CRYBG1: variants seen among roughly 807,000 people sequenced by gnomAD.
CRYBG1 encodes the protein beta/gamma crystallin domain-containing protein 1.
A neutral mutation model predicts 189.2 loss-of-function variants in CRYBG1; 139 were observed. That is an observed-to-expected ratio of 0.73 (90% CI 0.64 to 0.85). The LOEUF (loss-of-function observed/expected upper bound fraction) is 0.85, where lower values mean the gene tolerates loss of function less well. Among genes scored for constraint, CRYBG1 ranks in the 40% least tolerant of loss-of-function variants. CRYBG1 has a pLI of 0.00. For synonymous variants in CRYBG1, 1,023 were observed against 1,017.1 expected, an observed-to-expected ratio of 1.01 and a Z score of -0.11; for missense variants, 2,611 against 2,675.8, an observed-to-expected ratio of 0.98 and a Z score of 0.53.
rs528634223 is a variant in CRYBG1 at position 106,569,890 on chromosome 6, C to A, written c.*1324C>A. 6.6e-6 allele frequency: 1 copy of A among 152,176 alleles called. No individual in the cohort carries two copies. The highest frequency in any genetic ancestry group is 2.1e-4 in the South Asian group (1 of 4,812). The allele number at this position is 152,176 out of a possible 1,614,324, so 9.4% of individuals were successfully genotyped here. The stretch of plus-strand genomic sequence containing the variant: ...AGAGGATGACCAGCAATTAATTATC[C>A]CCAGAAAGTGAAGGAAAAGAGACCT... On this transcript the variant is annotated 3_prime_UTR_variant, in exon 22 of 22. Transcript: ENST00000633556.
intron 1 of CRYBG1, among the ~76,000 whole-genome samples, chr6:106,393,442 G>A (rs1040067700): frequency 2.6e-5 from 4 of 152,266 alleles, no homozygotes; most frequent in East Asian, 1.9e-4. Flanking sequence ...TCCTACAGCC[G>A]GCTTCCCAGA....
At chr6:106,547,781 CAG>C (rs1774300059) in intron 13 of CRYBG1, among the ~76,000 whole-genome samples, 1 of 152,132 alleles carries the variant, frequency 6.6e-6, no homozygotes, top group Admixed American at 6.6e-5. Context: ...AGTCCTGAAA[CAG>C]AGAACAGCCT....
intron 3 of CRYBG1, among the ~76,000 whole-genome samples, chr6:106,518,711 A>C (rs1773497467): frequency 6.6e-6 from 1 of 152,166 alleles, no homozygotes; most frequent in Admixed American, 6.5e-5. Context: ...TAATCCCAGC[A>C]CTTGGGGAGG....
intron 1 of CRYBG1, among the ~76,000 whole-genome samples, chr6:106,428,118 CATT>C (rs1771261550): frequency 6.6e-6 from 1 of 152,208 alleles, no homozygotes; most frequent in Non-Finnish European, 1.5e-5. Context: ...CAATACCTGA[CATT>C]ATAATTAATA....
intron 21 of CRYBG1, among the ~76,000 whole-genome samples, chr6:106,565,650 T>C (rs920257085): frequency 6.6e-6 from 1 of 152,150 alleles, no homozygotes; most frequent in Admixed American, 6.5e-5. Context: ...AAAGATCATA[T>C]AAAATGCAAG....
At chr6:106,502,667 T>TG (rs1322552074) in intron 2 of CRYBG1, among the ~76,000 whole-genome samples, 1 of 152,202 alleles carries the variant, frequency 6.6e-6, no homozygotes, top group Non-Finnish European at 1.5e-5. Context: ...AGAAACCTTC[T>TG]GGGGTACTTG....
intron 1 of CRYBG1, among the ~76,000 whole-genome samples, chr6:106,400,278 C>T (rs1017023291): frequency 1.1e-4 from 17 of 152,172 alleles, no homozygotes; most frequent in African/African-American, 4.1e-4. Context: ...CCATGCCCCA[C>T]CCAGATCTGC....
chr6:106,561,435 G>A lies in CRYBG1; in HGVS notation c.6073G>A (p.Val2025Ile). The A allele has an allele frequency of 1.2e-6, 2 of 1,614,194 alleles. No individual in the cohort carries two copies. Among genetic ancestry groups the A allele is most frequent in the East Asian group, 2.2e-5 (1 of 44,884 alleles). ...GGATCTGAAGCTTCTGAGGATACAG[G>A]TCATGGAGGATGTCGGGGCCGATGA... ...LEDLKLLRIQ[V>I]MEDVGADDQI... Residue 2025 changes from valine to isoleucine, a missense_variant, in exon 20 of 22, where the codon GTC (valine) becomes ATC (isoleucine). Transcript: ENST00000633556.
intron 2 of CRYBG1, among the ~76,000 whole-genome samples, chr6:106,505,235 C>T (rs1420347964): frequency 1.3e-5 from 2 of 152,126 alleles, no homozygotes; most frequent in Non-Finnish European, 2.9e-5. Context: ...GCTGGGACTA[C>T]AGGCACGTGC....
intron 1 of CRYBG1, among the ~76,000 whole-genome samples, chr6:106,441,583 T>TG: frequency 6.6e-6 from 1 of 152,342 alleles, no homozygotes; most frequent in Non-Finnish European, 1.5e-5. Flanking sequence ...ACCAGTTAAT[T>TG]GAACTAATTC....
At chr6:106,404,126 T>G (rs1389004579) in intron 1 of CRYBG1, among the ~76,000 whole-genome samples, 1 of 152,220 alleles carries the variant, frequency 6.6e-6, no homozygotes, top group Non-Finnish European at 1.5e-5. Context: ...CAGCAAGCTA[T>G]GGAGCACACT....
At chr6:106,367,211 G>A (rs1772017843) in intron 1 of CRYBG1, among the ~76,000 whole-genome samples, 1 of 152,158 alleles carries the variant, frequency 6.6e-6, no homozygotes, top group Admixed American at 6.5e-5. Flanking sequence ...TAATCAAGTG[G>A]CAGTGACATA....
chr6:106,384,451 A>G (rs1318671530), intron 1 of CRYBG1, among the ~76,000 whole-genome samples: 1 of 152,180 alleles, frequency 6.6e-6, no homozygotes, highest in East Asian at 1.9e-4. Context: ...ACCATAATGT[A>G]GAATCAGTGG....
chr6:106,436,580 A>C (rs573157968), intron 1 of CRYBG1, among the ~76,000 whole-genome samples: 37 of 127,912 alleles, frequency 2.9e-4, no homozygotes, highest in African/African-American at 1.2e-3. Context: ...GGCGTGAGCC[A>C]ACGCGCCCGG....
At chr6:106,416,999 C>CTTTTTTTTTTTTTTTT (rs71663353) in intron 1 of CRYBG1, among the ~76,000 whole-genome samples, 1 of 69,504 alleles carries the variant, frequency 1.4e-5, no homozygotes, top group Non-Finnish European at 2.5e-5. Flanking sequence ...ATGGGATTTA[C>CTTTTTTTTTTTTTTTT]TTTTTTTTTT....
At chr6:106,438,190 G>A (rs1279565101) in intron 1 of CRYBG1, among the ~76,000 whole-genome samples, 3 of 152,172 alleles carry the variant, frequency 2.0e-5, no homozygotes, top group African/African-American at 7.2e-5. Context: ...TACTCTGAAG[G>A]CCAGCGTCCC....
chr6:106,371,532 T>A (rs1770032465), intron 1 of CRYBG1, among the ~76,000 whole-genome samples: 1 of 152,206 alleles, frequency 6.6e-6, no homozygotes, highest in African/African-American at 2.4e-5. Context: ...AAAATGTAGT[T>A]ACTGCAAGGG....
intron 1 of CRYBG1, among the ~76,000 whole-genome samples, chr6:106,362,545 C>A (rs1771900480): frequency 6.6e-6 from 1 of 152,162 alleles, no homozygotes; most frequent in Non-Finnish European, 1.5e-5. Flanking sequence ...GCAGGGGCTG[C>A]ACTGTGCACA....
intron 1 of CRYBG1, among the ~76,000 whole-genome samples, chr6:106,415,248 G>A (rs1405845246): frequency 1.3e-5 from 2 of 152,188 alleles, no homozygotes; most frequent in African/African-American, 4.8e-5. Flanking sequence ...TTCAGGAAGT[G>A]GCCATTATTT....
Sources: allele counts gnomAD v4.1 joint callset (sites outside exome capture counted in the v4.1 genomes callset), GRCh38; gene constraint gnomAD v4.1.1; transcripts MANE v1.5; gene names NCBI Gene and HGNC (gene_info 2026-07-23, HGNC 2026-07-21).